XPNPEP1: variants seen among roughly 807,000 people sequenced by gnomAD.
XPNPEP1 encodes X-prolyl aminopeptidase 1.
XPNPEP1 carries 39 observed loss-of-function variants against 92.4 expected under a neutral mutation model. The ratio of observed to expected loss-of-function variants is 0.42; its 90% CI spans 0.33 to 0.55. XPNPEP1 has a LOEUF of 0.55. XPNPEP1 is among the 20% of genes least tolerant of loss of function. The probability of loss-of-function intolerance (pLI) is 0.08; values close to 1 mark genes in which losing one functional copy is unlikely to be tolerated. For synonymous variants in XPNPEP1, 307 were observed against 299.4 expected (o/e 1.03, Z -0.26); for missense variants, 654 against 856.1 (o/e 0.76, Z 2.95).
chr10:109,904,759 A>G (rs1411824753), intron 3 of XPNPEP1, among the ~76,000 whole-genome samples: 2 of 152,240 alleles, frequency 1.3e-5, no homozygotes, highest in South Asian at 2.1e-4. Context: ...AACAAAAAAT[A>G]GCAAGTGTTG....
chr10:109,892,894 G>A lies in XPNPEP1; in HGVS notation c.310+118C>T, dbSNP rs185345569. 34 of 999,012 alleles carry A rather than the reference G, an allele frequency of 3.4e-5. No individual in the cohort carries two copies. In the Admixed American group the frequency reaches 3.7e-4, roughly 11 times the overall value. The allele number at this position is 999,012 out of a possible 1,614,324, so 61.9% of individuals were successfully genotyped here. A position where few individuals can be genotyped will look rare whatever the true frequency, so the allele number is the denominator to read the frequency against. On this transcript the variant is annotated intron_variant, in intron 4 of 20. Coordinates refer to ENST00000502935, the MANE Select transcript of XPNPEP1 (RefSeq NM_020383.4). Reference sequence around the variant, plus strand: ...CCACACCTTTCTGCAGAGAGTCAATGTGGAGCATCTGGTTTGCATTTTCTT... The same window carrying A: ...CCACACCTTTCTGCAGAGAGTCAATATGGAGCATCTGGTTTGCATTTTCTT...
At chr10:109,881,664 C>T (rs1316297086) in intron 10 of XPNPEP1, among the ~76,000 whole-genome samples, 12 of 152,204 alleles carry the variant, frequency 7.9e-5, no homozygotes, top group Admixed American at 2.6e-4. Flanking sequence ...TGCCCCACTG[C>T]TCAGTGGAGA....
At chr10:109,916,985 T>G (rs1850228644) in intron 1 of XPNPEP1, among the ~76,000 whole-genome samples, 1 of 152,098 alleles carries the variant, frequency 6.6e-6, no homozygotes, top group South Asian at 2.1e-4. Flanking sequence ...TGACAAAAGT[T>G]ATTACAAAAC....
chr10:109,873,526 G>T, intron 15 of XPNPEP1, 99 bp from the exon 16 acceptor site: 3 of 1,414,622 alleles, frequency 2.1e-6, no homozygotes, highest in Non-Finnish European at 9.9e-7. Context: ...CCCATACAAT[G>T]CTGGTGGGCA....
chr10:109,869,611 G>A lies in XPNPEP1; in HGVS notation c.1773+342C>T, dbSNP rs576482844. On this transcript the variant is annotated intron_variant, in intron 19 of 20. Coordinates refer to ENST00000502935, the MANE Select transcript of XPNPEP1 (RefSeq NM_020383.4). ...CCCCTAGCAGAAGAGACAACAGGCC[G>A]CCTATAGTAAACTCAGAGCCCCAAA... Among the ~76,000 whole-genome samples, 5 of 152,270 alleles carry A rather than the reference G, an allele frequency of 3.3e-5. No individual in the cohort carries two copies. In the East Asian group the frequency reaches 7.7e-4, roughly 24 times the overall value.
chr10:109,902,215 C>T (rs570753660), intron 3 of XPNPEP1, among the ~76,000 whole-genome samples: 3 of 152,320 alleles, frequency 2.0e-5, no homozygotes, highest in South Asian at 2.1e-4. Flanking sequence ...GCTAATATGA[C>T]GAGACTTTTC....
chr10:109,900,111 T>G (rs890338752), intron 3 of XPNPEP1, among the ~76,000 whole-genome samples: 12 of 152,188 alleles, frequency 7.9e-5, no homozygotes, highest in African/African-American at 2.9e-4. Flanking sequence ...ACCACTGCAG[T>G]GCCAAGTCCT....
At chr10:109,873,620 A>C in intron 15 of XPNPEP1, 193 bp from the exon 16 acceptor site, 1 of 547,734 alleles carries the variant, frequency 1.8e-6, no homozygotes, top group South Asian at 2.8e-5. Flanking sequence ...CAGTAATTCC[A>C]CTCCTAGTTA....
At chr10:109,868,806 C>A in intron 19 of XPNPEP1, 94 bp from the exon 20 acceptor site, 1 of 1,204,084 alleles carries the variant, frequency 8.3e-7, no homozygotes, top group South Asian at 1.3e-5. Flanking sequence ...CCCTCAGAGC[C>A]AGGGGTAACT....
intron 10 of XPNPEP1, among the ~76,000 whole-genome samples, chr10:109,881,791 T>A (rs1300862931): frequency 6.6e-6 from 1 of 152,124 alleles, no homozygotes; most frequent in Non-Finnish European, 1.5e-5. Context: ...CAGACCCTAA[T>A]GAAAATGAGG....
chr10:109,896,138 G>C (rs1428838613), intron 3 of XPNPEP1, among the ~76,000 whole-genome samples: 1 of 152,122 alleles, frequency 6.6e-6, no homozygotes, highest in Non-Finnish European at 1.5e-5. Flanking sequence ...TCATGGTATG[G>C]CTAGGTCCTT....
rs535955770 is a variant in XPNPEP1 at position 109,880,925 on chromosome 10, G to A, written c.1048C>T (p.Arg350Cys). The A allele has an allele frequency of 4.4e-5, 71 of 1,613,796 alleles. No homozygotes were observed. Among genetic ancestry groups the A allele is most frequent in the South Asian group, 9.9e-5 (9 of 90,988 alleles). Reference sequence around the variant, plus strand: ...ATGGGGGTGTAAGGCATACAGCAGCGGTGGTCCTAGAGGCAAAGGGCAGTA... The same window carrying A: ...ATGGGGGTGTAAGGCATACAGCAGCAGTGGTCCTAGAGGCAAAGGGCAGTA... ...AVSETIPKDH[R>C]CCMPYTPICI... Residue 350 changes from arginine to cysteine, a missense_variant, in exon 11 of 21, where the codon CGC becomes TGC. Physicochemically the swap from Arg to Cys is radical, Grantham distance 180. Coordinates refer to ENST00000502935, the MANE Select transcript of XPNPEP1 (RefSeq NM_020383.4).
At chr10:109,922,832 G>C (rs1429859962) in intron 1 of XPNPEP1, among the ~76,000 whole-genome samples, 2 of 152,240 alleles carry the variant, frequency 1.3e-5, no homozygotes, top group African/African-American at 4.8e-5. Context: ...GCCCAGGGCA[G>C]GCTACTGGGG....
chr10:109,905,255 G>C (rs1849494791), intron 3 of XPNPEP1, among the ~76,000 whole-genome samples: 1 of 152,136 alleles, frequency 6.6e-6, no homozygotes, highest in African/African-American at 2.4e-5. Flanking sequence ...ACCCAGGCTG[G>C]AGTACAGTGC....
chr10:109,919,388 C>A (rs1232600661), intron 1 of XPNPEP1, among the ~76,000 whole-genome samples: 1 of 152,178 alleles, frequency 6.6e-6, no homozygotes, highest in South Asian at 2.1e-4. Context: ...AGATGCTCAT[C>A]ATTAGTCATT....
intron 10 of XPNPEP1, 53 bp from the exon 11 acceptor site, chr10:109,880,984 G>C: frequency 6.5e-7 from 1 of 1,541,880 alleles, no homozygotes; most frequent in South Asian, 1.1e-5. Context: ...ACCCACCCAA[G>C]ACCAAGGCAA....
intron 7 of XPNPEP1, among the ~76,000 whole-genome samples, chr10:109,887,532 C>A (rs1369895866): frequency 6.6e-6 from 1 of 152,136 alleles, no homozygotes; most frequent in Non-Finnish European, 1.5e-5. Flanking sequence ...TCTCTCTGCC[C>A]CCTCACTGCT....
intron 3 of XPNPEP1, among the ~76,000 whole-genome samples, chr10:109,898,542 G>T (rs1335582361): frequency 1.3e-5 from 2 of 152,194 alleles, no homozygotes; most frequent in East Asian, 3.8e-4. Flanking sequence ...CCAAGGATAG[G>T]CGAAGAGAGC....
At chr10:109,923,221 G>C (rs1850655218) in intron 1 of XPNPEP1, 181 bp downstream of exon 1, 1 of 985,194 alleles carries the variant, frequency 1.0e-6, no homozygotes, top group Admixed American at 6.1e-5. Context: ...GATCTCGCCC[G>C]GCCTCATGGA....
Sources: gnomAD v4.1 joint callset for allele counts (sites outside exome capture counted in the v4.1 genomes callset) on GRCh38, gnomAD v4.1.1 for gene constraint, MANE v1.5 for transcripts, NCBI Gene and HGNC (gene_info 2026-07-23, HGNC 2026-07-21) for gene names.